LAMA2: variants seen among roughly 807,000 people sequenced by gnomAD.
The protein encoded by LAMA2 is laminin subunit alpha 2.
Under a neutral mutation model 364.8 loss-of-function variants are expected in LAMA2, and 269 were observed. The observed-to-expected ratio is 0.74, with a 90% CI of 0.67 to 0.82. LAMA2 has a LOEUF of 0.82. LAMA2 is among the 40% of genes least tolerant of loss of function. The pLI, the probability that LAMA2 is intolerant of heterozygous loss-of-function variation, is 0.00. For synonymous variants in LAMA2, 1,379 were observed against 1,370.6 expected (o/e 1.01, Z -0.14); for missense variants, 3,807 against 3,873.2 (o/e 0.98, Z 0.45).
chr6:129,503,082 G>C lies in LAMA2; in HGVS notation c.8358-9G>C. 1 of 1,613,514 alleles carries C rather than the reference G, an allele frequency of 6.2e-7. No homozygotes were observed. Among genetic ancestry groups the C allele is most frequent in the Non-Finnish European group, 8.5e-7 (1 of 1,179,464 alleles). On this transcript the variant is annotated splice_polypyrimidine_tract_variant and intron_variant, in intron 59 of 64. Coordinates refer to ENST00000421865, the MANE Select transcript of LAMA2 (RefSeq NM_000426.4). ...TTTCTGTTTGACTTTGCATGCTTTT[G>C]TTTCACAGTCTCACAATTGAGTTGG...
intron 27 of LAMA2, among the ~76,000 whole-genome samples, chr6:129,318,272 A>G (rs1774740400): frequency 6.6e-6 from 1 of 152,140 alleles, no homozygotes; most frequent in South Asian, 2.1e-4. Context: ...TGCTGGCATT[A>G]TCTTTTTTCT....
At chr6:129,471,808 T>C (rs1036802223) in intron 51 of LAMA2, among the ~76,000 whole-genome samples, 2 of 151,998 alleles carry the variant, frequency 1.3e-5, no homozygotes, top group Non-Finnish European at 2.9e-5. Context: ...TTAGGTATTT[T>C]TCTTGTTTGT....
chr6:128,991,400 T>C (rs538318868), intron 1 of LAMA2, among the ~76,000 whole-genome samples: 1 of 152,326 alleles, frequency 6.6e-6, no homozygotes, highest in Admixed American at 6.5e-5. Context: ...AAAATGTAAA[T>C]GGATGAAAGC....
At chr6:129,473,541 A>G (rs1783919856) in intron 52 of LAMA2, among the ~76,000 whole-genome samples, 189 bp downstream of exon 52, 1 of 152,068 alleles carries the variant, frequency 6.6e-6, no homozygotes, top group South Asian at 2.1e-4. Context: ...CTAATTTGAC[A>G]TCTTTGTTGA....
chr6:129,169,170 T>C (rs1339270552), intron 9 of LAMA2, among the ~76,000 whole-genome samples: 5 of 149,976 alleles, frequency 3.3e-5, no homozygotes, highest in Non-Finnish European at 3.0e-5. Context: ...TCCTGCCTAA[T>C]TGCCCTGGCC....
At chr6:129,465,570 T>G (rs1294981283) in intron 51 of LAMA2, among the ~76,000 whole-genome samples, 3 of 151,994 alleles carry the variant, frequency 2.0e-5, no homozygotes, top group Non-Finnish European at 4.4e-5. Context: ...CTGTAATATG[T>G]TTGAAAAATG....
At chr6:129,076,596 T>C (rs1773672906) in intron 3 of LAMA2, among the ~76,000 whole-genome samples, 1 of 149,556 alleles carries the variant, frequency 6.7e-6, no homozygotes, top group Non-Finnish European at 1.5e-5. Context: ...ACCCTAGCAA[T>C]ACCTACTGGT....
At chr6:129,071,902 CG>C (rs1410196324) in intron 3 of LAMA2, among the ~76,000 whole-genome samples, 1 of 152,080 alleles carries the variant, frequency 6.6e-6, no homozygotes, top group Non-Finnish European at 1.5e-5. Flanking sequence ...CCAAGGCAGG[CG>C]GATGGCTTGA....
intron 23 of LAMA2, 96 bp downstream of exon 23, chr6:129,313,193 A>G: frequency 1.3e-6 from 1 of 744,578 alleles, no homozygotes; most frequent in Non-Finnish European, 2.3e-6. Flanking sequence ...TACCTGCTTC[A>G]TTAAGCTAAA....
intron 4 of LAMA2, among the ~76,000 whole-genome samples, chr6:129,117,256 G>T (rs1369542976): frequency 1.3e-5 from 2 of 152,132 alleles, no homozygotes; most frequent in African/African-American, 4.8e-5. Context: ...AGGATTTCAA[G>T]CATCACTAGT....
At chr6:128,894,420 A>T (rs1385434057) in intron 1 of LAMA2, among the ~76,000 whole-genome samples, 1 of 152,188 alleles carries the variant, frequency 6.6e-6, no homozygotes, top group African/African-American at 2.4e-5. Flanking sequence ...TTCATTTGTA[A>T]GTTTCTGTAG....
intron 28 of LAMA2, among the ~76,000 whole-genome samples, chr6:129,323,691 A>G (rs1479433104): frequency 1.3e-5 from 2 of 152,198 alleles, no homozygotes; most frequent in Admixed American, 1.3e-4. Context: ...AGCTTTATGC[A>G]GTTGAAAGGT....
intron 30 of LAMA2, among the ~76,000 whole-genome samples, chr6:129,343,379 T>A (rs1776373039): frequency 1.3e-5 from 2 of 152,178 alleles, no homozygotes; most frequent in African/African-American, 2.4e-5. Context: ...AAACATTTCC[T>A]GTAAATCATC....
chr6:129,202,111 C>T (rs1282802796), intron 12 of LAMA2, among the ~76,000 whole-genome samples: 3 of 144,082 alleles, frequency 2.1e-5, no homozygotes, highest in African/African-American at 7.6e-5. Flanking sequence ...TCACTTGAAC[C>T]TGGGAGGCGA....
At chr6:129,514,015 C>T (rs1365927244) in intron 63 of LAMA2, among the ~76,000 whole-genome samples, 1 of 152,196 alleles carries the variant, frequency 6.6e-6, no homozygotes, top group African/African-American at 2.4e-5. Flanking sequence ...AAGGTTCAGT[C>T]AGAACTCTCA....
intron 10 of LAMA2, among the ~76,000 whole-genome samples, chr6:129,185,259 A>G (rs979425804): frequency 5.9e-5 from 9 of 151,920 alleles, no homozygotes; most frequent in Admixed American, 2.0e-4. Flanking sequence ...ATGAGAAAGA[A>G]TACAAGAAAA....
intron 8 of LAMA2, among the ~76,000 whole-genome samples, chr6:129,156,838 C>T (rs914172752): frequency 3.9e-5 from 6 of 152,040 alleles, no homozygotes; most frequent in African/African-American, 1.5e-4. Flanking sequence ...ATCTCACTTG[C>T]AAAGTAAATG....
intron 1 of LAMA2, among the ~76,000 whole-genome samples, chr6:129,016,182 C>T (rs548812294): frequency 6.8e-4 from 103 of 152,022 alleles, no homozygotes; most frequent in African/African-American, 2.4e-3. Context: ...ATCTGAATAC[C>T]AAACGGGGCC....
intron 22 of LAMA2, among the ~76,000 whole-genome samples, chr6:129,306,354 T>C (rs1440949370): frequency 2.7e-5 from 4 of 149,920 alleles, no homozygotes; most frequent in Non-Finnish European, 5.9e-5. Flanking sequence ...GGTGTTTTTT[T>C]TTTTTCCGAA....
Sources: gnomAD v4.1 joint callset for allele counts (sites outside exome capture counted in the v4.1 genomes callset) on GRCh38, gnomAD v4.1.1 for gene constraint, MANE v1.5 for transcripts, NCBI Gene and HGNC (gene_info 2026-07-23, HGNC 2026-07-21) for gene names.